The following GMCL1 variants were observed in gnomAD, a reference collection of about 807,000 sequenced individuals.
GMCL1 encodes the protein germ cell-less protein-like 1.
Under a neutral mutation model 75.5 loss-of-function variants are expected in GMCL1, and 54 were observed. The ratio of observed to expected loss-of-function variants is 0.71; its 90% CI spans 0.57 to 0.90. GMCL1 has a LOEUF of 0.90. Ranked by LOEUF, GMCL1 falls within the 40% of genes least tolerant of loss-of-function variation. The pLI, the probability that GMCL1 is intolerant of heterozygous loss-of-function variation, is 0.00. For missense variants in GMCL1, 537 were observed against 622.7 expected, an observed-to-expected ratio of 0.86 and a Z score of 1.47; for synonymous variants, 210 against 209.6, an observed-to-expected ratio of 1.00 and a Z score of -0.02.
At chr2:69,861,218 T>C in intron 9 of GMCL1, 60 bp from the exon 10 acceptor site, 1 of 1,215,956 alleles carries the variant, frequency 8.2e-7, no homozygotes, top group South Asian at 1.4e-5. Flanking sequence ...CTATGAATGT[T>C]TAAATCCTTT....
chr2:69,840,899 G>A, intron 3 of GMCL1, 43 bp from the exon 4 acceptor site: 2 of 1,276,982 alleles, frequency 1.6e-6, no homozygotes, highest in South Asian at 2.5e-5. Context: ...ACTTGTAATA[G>A]ATATAAATAT....
intron 1 of GMCL1, among the ~76,000 whole-genome samples, chr2:69,833,610 T>C (rs1674735789): frequency 6.6e-6 from 1 of 152,246 alleles, no homozygotes; most frequent in Non-Finnish European, 1.5e-5. Flanking sequence ...AGTAAGACCC[T>C]GTCTCAAAAA....
At chr2:69,859,742 T>TTAAAAAAAAAAAAAAAAAAAAAA (rs1553372489) in intron 9 of GMCL1, among the ~76,000 whole-genome samples, 40 of 79,096 alleles carry the variant, frequency 5.1e-4, no homozygotes, top group Non-Finnish European at 7.5e-4. Flanking sequence ...TCTCTCTCTC[T>TTAAAAAAAAAAAAAAAAAAAAAA]AAAAAAAAAA....
At chr2:69,845,199 A>G (rs1053732912) in intron 6 of GMCL1, among the ~76,000 whole-genome samples, 4 of 152,220 alleles carry the variant, frequency 2.6e-5, no homozygotes, top group African/African-American at 4.8e-5. Flanking sequence ...CCTGCAGTCA[A>G]CTGCGCCGCC....
chr2:69,831,269 G>A (rs1443192959), intron 1 of GMCL1, among the ~76,000 whole-genome samples: 1 of 152,052 alleles, frequency 6.6e-6, no homozygotes, highest in Non-Finnish European at 1.5e-5. Flanking sequence ...CTATACAAGT[G>A]TTATATATTG....
At chr2:69,835,999 G>A (rs2103946803) in intron 1 of GMCL1, among the ~76,000 whole-genome samples, 1 of 152,266 alleles carries the variant, frequency 6.6e-6, no homozygotes, top group South Asian at 2.1e-4. Flanking sequence ...GCTATTTCTA[G>A]AAAAACCTTG....
At position 69,849,346 on chromosome 2, in the gene GMCL1, T is replaced by G. The variant is rs538330053; in HGVS notation, c.844-306T>G. ...CACTATGCCCAGCTAGTTTTTTTTCTGTGTGTAGAGATGGGGTTTGACCAT... is the reference window on the plus strand; with the variant it reads ...CACTATGCCCAGCTAGTTTTTTTTCGGTGTGTAGAGATGGGGTTTGACCAT... On this transcript the variant is annotated intron_variant, in intron 7 of 13. Transcript: ENST00000282570. Among the ~76,000 whole-genome samples the G allele has an allele frequency of 8.5e-4, 130 of 152,246 alleles. 3 individuals carry two copies. In the South Asian group the frequency reaches 0.022, roughly 25 times the overall value.
chr2:69,833,548 G>A (rs1255476506), intron 1 of GMCL1, among the ~76,000 whole-genome samples: 2 of 152,156 alleles, frequency 1.3e-5, no homozygotes, highest in African/African-American at 2.4e-5. Context: ...CTCAGGAGGC[G>A]GAGGTTGTAG....
chr2:69,856,287 CAT>C (rs771096732), intron 9 of GMCL1, among the ~76,000 whole-genome samples: 20 of 152,156 alleles, frequency 1.3e-4, no homozygotes, highest in Admixed American at 3.3e-4. Flanking sequence ...TAGTGCCAAA[CAT>C]GTGTTAACGT....
chr2:69,876,119 G>A (rs180672838), intron 13 of GMCL1, among the ~76,000 whole-genome samples: 6 of 152,234 alleles, frequency 3.9e-5, no homozygotes, highest in South Asian at 2.1e-4. Context: ...ATGCTAAATG[G>A]ATTTTCACTA....
In GMCL1 at chr2:69,854,954, C is replaced by A; in HGVS notation, c.1066C>A (p.Pro356Thr). The A allele has an allele frequency of 6.3e-7, 1 of 1,596,878 alleles. No individual in the cohort carries two copies. Among genetic ancestry groups the A allele is most frequent in the Non-Finnish European group, 8.5e-7 (1 of 1,170,254 alleles). ...AATTATTGAACAAGATGCTGTAGTACCTTCAGGTAAGAGAACATAATTTGT... is the reference window on the plus strand; with the variant it reads ...AATTATTGAACAAGATGCTGTAGTAACTTCAGGTAAGAGAACATAATTTGT... ...ARIIEQDAVV[P>T]SEWLSSVYKQ... The change falls in exon 9 of 14, where the codon CCT becomes ACT. Residue 356 changes from proline (P) to threonine (T), a missense_variant. Coordinates refer to ENST00000282570, the MANE Select transcript of GMCL1 (RefSeq NM_178439.5).
In GMCL1 at chr2:69,840,975, A is replaced by T; in HGVS notation, c.515A>T (p.Asp172Val). The part of the protein sequence containing the change: ...LQVAFGSLYR[D>V]DVLIKPSRVV... The stretch of plus-strand genomic sequence containing the variant: ...GTTGCATTTGGTTCACTGTATCGAG[A>T]TGATGTCTTGATAAAGCCCAGTCGA... Residue 172 changes from aspartate to valine, a missense_variant, in exon 4 of 14, where the codon GAT becomes GTT. Physicochemically the swap from Asp to Val is radical, Grantham distance 152. Transcript: ENST00000282570. The T allele has an allele frequency of 6.2e-7, 1 of 1,614,034 alleles. No individual in the cohort carries two copies. Among genetic ancestry groups the T allele is most frequent in the Non-Finnish European group, 8.5e-7 (1 of 1,179,934 alleles).
chr2:69,860,701 A>G (rs1044249874), intron 9 of GMCL1, among the ~76,000 whole-genome samples: 4 of 152,368 alleles, frequency 2.6e-5, no homozygotes, highest in African/African-American at 7.2e-5. Context: ...AACTATCCCA[A>G]TTTAAATGTA....
chr2:69,829,919 G>A lies in GMCL1; in HGVS notation c.27G>A (p.Leu9=). The stretch of plus-strand genomic sequence containing the variant: ...TGGGATCGTTGAGCAGCCGGGTGCT[G>A]CGCCAGCCAAGACCAGCCCTTGCCC... MGSLSSRV[L]RQPRPALAQQ... is the part of the protein sequence containing the mutation. The change falls in exon 1 of 14, where the codon CTG becomes CTA. Residue 9 remains leucine, a synonymous_variant. Coordinates refer to ENST00000282570, the MANE Select transcript of GMCL1 (RefSeq NM_178439.5). 1 of 1,603,292 alleles carries A rather than the reference G, an allele frequency of 6.2e-7. No homozygotes were observed. The highest frequency in any genetic ancestry group is 8.5e-7 in the Non-Finnish European group (1 of 1,175,284).
intron 3 of GMCL1, among the ~76,000 whole-genome samples, chr2:69,840,354 G>A (rs1028243011): frequency 2.6e-5 from 4 of 151,756 alleles, no homozygotes; most frequent in Admixed American, 2.6e-4. Context: ...AGCTTGCAGT[G>A]AGCCGAGATC....
intron 1 of GMCL1, among the ~76,000 whole-genome samples, chr2:69,834,103 G>A (rs750797252): frequency 3.9e-5 from 6 of 152,170 alleles, no homozygotes; most frequent in African/African-American, 9.7e-5. Context: ...TATTTGGACA[G>A]TGCCTTTTTT....
chr2:69,838,009 GT>G (rs1408041663), intron 2 of GMCL1, among the ~76,000 whole-genome samples: 2 of 152,024 alleles, frequency 1.3e-5, no homozygotes, highest in Non-Finnish European at 2.9e-5. Flanking sequence ...TTTGCTTATG[GT>G]TATTTAAATT....
At chr2:69,866,233 C>T (rs377366012) in intron 11 of GMCL1, among the ~76,000 whole-genome samples, 13 of 142,860 alleles carry the variant, frequency 9.1e-5, no homozygotes, top group African/African-American at 2.4e-4. Context: ...GGTGACAGAG[C>T]GAGTCTCCAT....
At chr2:69,844,858 C>G in intron 6 of GMCL1, 1 of 379,430 alleles carries the variant, frequency 2.6e-6, no homozygotes, top group South Asian at 2.0e-5. Context: ...GTCTTCTGAA[C>G]CAGGTCAAGG....
Sources: allele counts gnomAD v4.1 joint callset (sites outside exome capture counted in the v4.1 genomes callset), GRCh38; gene constraint gnomAD v4.1.1; transcripts MANE v1.5; gene names NCBI Gene and HGNC (gene_info 2026-07-23, HGNC 2026-07-21).